The following GNAL variants were observed in gnomAD, a reference collection of about 807,000 sequenced individuals.
GNAL encodes the protein guanine nucleotide-binding protein G(olf) subunit alpha.
In GNAL, 18 loss-of-function variants were observed where a neutral mutation model predicts 55.1. The observed-to-expected ratio is 0.33, with a 90% CI of 0.23 to 0.48. GNAL has a LOEUF of 0.48. GNAL is among the 20% of genes least tolerant of loss of function. GNAL has a pLI of 0.99. For synonymous variants in GNAL, 253 were observed against 237.0 expected (o/e 1.07, Z -0.62); for missense variants, 412 against 614.1 (o/e 0.67, Z 3.48).
chr18:11,824,064 CG>C (rs113948013), intron 4 of GNAL, among the ~76,000 whole-genome samples: 2 of 151,768 alleles, frequency 1.3e-5, no homozygotes, highest in Non-Finnish European at 2.9e-5. Flanking sequence ...TTTTTTTAAA[CG>C]AAAAAAGAAA....
At chr18:11,700,970 T>G (rs2031553226) in intron 1 of GNAL, among the ~76,000 whole-genome samples, 1 of 152,210 alleles carries the variant, frequency 6.6e-6, no homozygotes, top group South Asian at 2.1e-4. Flanking sequence ...ACTGCAAACA[T>G]TTGCATCTCT....
At chr18:11,713,171 A>G (rs1407649903) in intron 1 of GNAL, among the ~76,000 whole-genome samples, 2 of 152,266 alleles carry the variant, frequency 1.3e-5, no homozygotes, top group Non-Finnish European at 2.9e-5. Flanking sequence ...AAGGCCACCC[A>G]AATGAGAACA....
In GNAL at chr18:11,755,868, G is replaced by A. The variant is rs1381976164; in HGVS notation, c.624+1923G>A. ...AGATGTCCTCCCGGTTCTCACTGATGCTATGTACACTGGCAAAATCACCCA... is the reference window on the plus strand; with the variant it reads ...AGATGTCCTCCCGGTTCTCACTGATACTATGTACACTGGCAAAATCACCCA... On this transcript the variant is annotated intron_variant, in intron 4 of 11. Coordinates refer to ENST00000334049, the MANE Select transcript of GNAL (RefSeq NM_182978.4). Among the ~76,000 whole-genome samples the A allele has an allele frequency of 2.0e-5, 3 of 152,184 alleles. No homozygotes were observed. The East Asian group carries it at 5.8e-4, about 29-fold the overall frequency.
chr18:11,731,926 C>G (rs998999539), intron 1 of GNAL, among the ~76,000 whole-genome samples: 3 of 152,234 alleles, frequency 2.0e-5, no homozygotes, highest in Non-Finnish European at 4.4e-5. Context: ...GGACATTTGA[C>G]ATAAATAATC....
At chr18:11,712,637 A>G (rs1316674939) in intron 1 of GNAL, among the ~76,000 whole-genome samples, 2 of 152,198 alleles carry the variant, frequency 1.3e-5, no homozygotes, top group Non-Finnish European at 2.9e-5. Flanking sequence ...TTTTTTCTAT[A>G]GAGTTACCAG....
intron 5 of GNAL, among the ~76,000 whole-genome samples, chr18:11,841,023 C>T (rs529002982): frequency 3.7e-4 from 56 of 151,978 alleles, no homozygotes; most frequent in South Asian, 2.7e-3. Context: ...CAGATGTGCA[C>T]CACGATGCCC....
At chr18:11,805,132 AGTG>A (rs61557308) in intron 4 of GNAL, among the ~76,000 whole-genome samples, 61,190 of 114,932 alleles carry the variant, frequency 0.53, 23,559 homozygotes, top group Admixed American at 0.71. Flanking sequence ...GATATTGTGT[AGTG>A]GTGAAGTACA....
chr18:11,880,114 AGGCGTGGT>A, intron 11 of GNAL, among the ~76,000 whole-genome samples: 1 of 150,178 alleles, frequency 6.7e-6, no homozygotes, highest in African/African-American at 2.4e-5. Context: ...AAAAGTAGCC[AGGCGTGGT>A]GGCGCACGCC....
intron 4 of GNAL, among the ~76,000 whole-genome samples, chr18:11,766,383 T>C (rs2033406632): frequency 6.6e-6 from 1 of 152,202 alleles, no homozygotes; most frequent in Non-Finnish European, 1.5e-5. Context: ...TTAATTTGTG[T>C]TTGTATTTGT....
chr18:11,876,485 GT>G (rs2036535635), intron 10 of GNAL, 135 bp from the exon 11 acceptor site: 7 of 654,822 alleles, frequency 1.1e-5, no homozygotes, highest in Middle Eastern at 2.6e-4. Context: ...GTACATGTTT[GT>G]TTTTGCCTTG....
intron 5 of GNAL, chr18:11,857,446 G>A: frequency 1.0e-6 from 1 of 981,034 alleles, no homozygotes; most frequent in African/African-American, 1.7e-5. Context: ...TGTTAAAAGA[G>A]ACTGAAGGGG....
intron 4 of GNAL, among the ~76,000 whole-genome samples, chr18:11,787,684 C>T (rs1169788711): frequency 1.3e-5 from 2 of 152,120 alleles, no homozygotes; most frequent in African/African-American, 4.8e-5. Context: ...ACCATCCTGG[C>T]TAACACAGTG....
At chr18:11,874,168 G>GGCCCAGTGACTGCTCTTC (rs2036468114) in intron 10 of GNAL, 1 of 152,322 alleles carries the variant, frequency 6.6e-6, no homozygotes, top group Non-Finnish European at 1.5e-5. Context: ...CTCGGTGCCA[G>GGCCCAGTGACTGCTCTTC]GCCCAGTGAC....
chr18:11,749,587 T>C (rs1276015604), intron 1 of GNAL, among the ~76,000 whole-genome samples: 4 of 152,180 alleles, frequency 2.6e-5, no homozygotes, highest in Non-Finnish European at 4.4e-5. Flanking sequence ...GGTACAAGGA[T>C]AGGCTCAGCC....
At chr18:11,815,392 C>T (rs543549419) in intron 4 of GNAL, among the ~76,000 whole-genome samples, 5 of 152,096 alleles carry the variant, frequency 3.3e-5, no homozygotes, top group South Asian at 2.1e-4. Flanking sequence ...GGAAGCAAAG[C>T]GGCTTCTGCT....
intron 1 of GNAL, chr18:11,746,543 G>A (rs2032691115): frequency 4.3e-6 from 1 of 231,300 alleles, no homozygotes; most frequent in Non-Finnish European, 8.7e-6. Context: ...CCAGGAGGTT[G>A]AGGCTACAGT....
chr18:11,699,774 A>G (rs1021855629), intron 1 of GNAL, among the ~76,000 whole-genome samples: 5 of 152,144 alleles, frequency 3.3e-5, no homozygotes, highest in African/African-American at 1.2e-4. Context: ...TGAGTGGACA[A>G]TGTCACCACA....
At chr18:11,772,080 A>G (rs2033653453) in intron 4 of GNAL, among the ~76,000 whole-genome samples, 1 of 152,174 alleles carries the variant, frequency 6.6e-6, no homozygotes. Flanking sequence ...AATCATTTCA[A>G]GAGCATCTAG....
rs1025566350 is a variant in GNAL at position 11,879,448 on chromosome 18, A to G, written c.1231-1541A>G. Among the ~76,000 whole-genome samples, 5 of 152,260 alleles carry G rather than the reference A, an allele frequency of 3.3e-5. No individual in the cohort carries two copies. The Middle Eastern group carries it at 0.014, about 414-fold the overall frequency. Reference sequence around the variant, plus strand: ...AGGCTGAGTGTCTTAAACAGCAGAAATGTATTTCTCACAGCTCTGGAGGCT... The same window carrying G: ...AGGCTGAGTGTCTTAAACAGCAGAAGTGTATTTCTCACAGCTCTGGAGGCT... On this transcript the variant is annotated intron_variant, in intron 11 of 11. Coordinates refer to ENST00000334049, the MANE Select transcript of GNAL (RefSeq NM_182978.4).
Sources: gnomAD v4.1 joint callset for allele counts (sites outside exome capture counted in the v4.1 genomes callset) on GRCh38, gnomAD v4.1.1 for gene constraint, MANE v1.5 for transcripts, NCBI Gene and HGNC (gene_info 2026-07-23, HGNC 2026-07-21) for gene names.